The following SEMA6D variants were observed in gnomAD, a reference collection of about 807,000 sequenced individuals.
The protein encoded by SEMA6D is semaphorin 6D, also known as semaphorin-6D.
SEMA6D carries 35 observed loss-of-function variants against 106.6 expected under a neutral mutation model. The observed-to-expected ratio is 0.33, with a 90% confidence interval of 0.25 to 0.44. The LOEUF (loss-of-function observed/expected upper bound fraction) is 0.44. SEMA6D is among the 20% of genes least tolerant of loss of function. The pLI, the probability that SEMA6D is intolerant of heterozygous loss-of-function variation, is 1.00. For missense variants in SEMA6D, 1,185 were observed against 1,345.9 expected, an observed-to-expected ratio of 0.88 and a Z score of 1.87; for synonymous variants, 499 against 487.7, an observed-to-expected ratio of 1.02 and a Z score of -0.31.
In SEMA6D at chr15:47,771,127, A is replaced by G. The variant is rs1013656301; in HGVS notation, c.2564A>G (p.Asn855Ser). The G allele has an allele frequency of 6.2e-7, 1 of 1,614,118 alleles. No individual in the cohort carries two copies. Among genetic ancestry groups the G allele is most frequent in the Non-Finnish European group, 8.5e-7 (1 of 1,180,006 alleles). Residue 855 changes from asparagine (N) to serine (S), a missense_variant, in exon 19 of 19, where the codon AAC (asparagine) becomes AGC (serine). By Grantham distance (46) the Asn-to-Ser change is conservative. Coordinates refer to ENST00000536845, the MANE Select transcript of SEMA6D (RefSeq NM_001358351.3). ...NAHKAEKKLQNIDHPLTKSSS... is the reference protein window; with the variant it reads ...NAHKAEKKLQSIDHPLTKSSS... Reference sequence around the variant, plus strand: ...CACAAAGCTGAAAAGAAGCTTCAAAACATTGATCACCCTCTCACAAAGTCA... The same window carrying G: ...CACAAAGCTGAAAAGAAGCTTCAAAGCATTGATCACCCTCTCACAAAGTCA...
At chr15:47,510,629 A>T (rs918731551) in intron 3 of SEMA6D, among the ~76,000 whole-genome samples, 2 of 152,212 alleles carry the variant, frequency 1.3e-5, no homozygotes, top group Admixed American at 1.3e-4. Flanking sequence ...ATAATTACCA[A>T]ACAACATAAG....
At chr15:47,197,710 T>A (rs1451587035) in intron 1 of SEMA6D, among the ~76,000 whole-genome samples, 3 of 152,150 alleles carry the variant, frequency 2.0e-5, no homozygotes, top group Non-Finnish European at 4.4e-5. Context: ...GCCTACCAGT[T>A]TCTTTGGCTG....
In SEMA6D at chr15:47,772,812, C is replaced by G. The variant is rs1387169521; in HGVS notation, c.*1027C>G. ...TTGATTGTGTTCGTTTCCCCCCCCCCAATAGTAAAATTTCTCCTCCTTTAA... is the reference window on the plus strand; with the variant it reads ...TTGATTGTGTTCGTTTCCCCCCCCCGAATAGTAAAATTTCTCCTCCTTTAA... On this transcript the variant is annotated 3_prime_UTR_variant, in exon 19 of 19. Coordinates refer to ENST00000536845, the MANE Select transcript of SEMA6D (RefSeq NM_001358351.3). The G allele has an allele frequency of 1.7e-5, 2 of 117,724 alleles. No homozygotes were observed. Among genetic ancestry groups the G allele is most frequent in the African/African-American group, 6.3e-5 (2 of 31,828 alleles). 7.3% of individuals were successfully genotyped at this position (117,724 alleles called of 1,614,324 possible).
rs572071350 is a variant in SEMA6D at position 47,431,806 on chromosome 15, C to T, written c.-159+19334C>T. On this transcript the variant is annotated intron_variant, in intron 2 of 19. Coordinates refer to the SEMA6D transcript ENST00000558014. ...CAGATACAGTACAGTTGAAAATGCT[C>T]GTGACATCATGCCTTATGTGACTAA... is the stretch of plus-strand genomic sequence containing the variant. Among the ~76,000 whole-genome samples, 19 of 152,186 alleles carry T rather than the reference C, an allele frequency of 1.2e-4. No individual in the cohort carries two copies. In the South Asian group the frequency reaches 2.9e-3, roughly 23 times the overall value.
At chr15:47,288,379 C>T (rs1193384343) in intron 1 of SEMA6D, among the ~76,000 whole-genome samples, 1 of 152,158 alleles carries the variant, frequency 6.6e-6, no homozygotes, top group Non-Finnish European at 1.5e-5. Context: ...TGGGCAGTGA[C>T]TATAGTAGTT....
chr15:47,345,535 G>A (rs537768720), intron 1 of SEMA6D, among the ~76,000 whole-genome samples: 1 of 152,104 alleles, frequency 6.6e-6, no homozygotes, highest in East Asian at 1.9e-4. Context: ...ATACCTCATA[G>A]CATACACAAG....
intron 1 of SEMA6D, among the ~76,000 whole-genome samples, chr15:47,245,993 T>G (rs552962829): frequency 6.6e-6 from 1 of 152,178 alleles, no homozygotes; most frequent in African/African-American, 2.4e-5. Flanking sequence ...CTTTCAGGGG[T>G]CAGATGGTTT....
At chr15:47,734,217 A>G (rs1223355089) in intron 1 of SEMA6D, among the ~76,000 whole-genome samples, 1 of 152,220 alleles carries the variant, frequency 6.6e-6, no homozygotes, top group Non-Finnish European at 1.5e-5. Flanking sequence ...GAAGCATCTT[A>G]CTCACTCACT....
chr15:47,614,061 A>G (rs1056136976), intron 4 of SEMA6D, among the ~76,000 whole-genome samples: 2 of 152,194 alleles, frequency 1.3e-5, no homozygotes, highest in Non-Finnish European at 2.9e-5. Flanking sequence ...ATCCAGTTCT[A>G]ATTCATTACA....
chr15:47,332,411 T>G (rs1595750370), intron 1 of SEMA6D, among the ~76,000 whole-genome samples: 2 of 152,342 alleles, frequency 1.3e-5, no homozygotes, highest in Admixed American at 6.5e-5. Context: ...TTCCTGTCCC[T>G]GACAGCTTAT....
intron 1 of SEMA6D, among the ~76,000 whole-genome samples, chr15:47,330,235 G>A (rs552372941): frequency 1.4e-4 from 21 of 152,294 alleles, no homozygotes; most frequent in East Asian, 3.9e-4. Context: ...AGAAATGGGT[G>A]TCATCTCTGT....
intron 4 of SEMA6D, among the ~76,000 whole-genome samples, chr15:47,630,585 TTTC>T (rs2077276491): frequency 6.6e-6 from 1 of 151,818 alleles, no homozygotes; most frequent in Admixed American, 6.6e-5. Context: ...ATGCCTTTTA[TTTC>T]TTCTTCTTGC....
At chr15:47,674,068 A>G (rs1398349611) in intron 4 of SEMA6D, among the ~76,000 whole-genome samples, 1 of 152,002 alleles carries the variant, frequency 6.6e-6, no homozygotes, top group Admixed American at 6.6e-5. Flanking sequence ...ACTGCAGCCC[A>G]TGGGACAGCC....
intron 4 of SEMA6D, among the ~76,000 whole-genome samples, chr15:47,701,279 G>A (rs1237487674): frequency 6.6e-6 from 1 of 151,962 alleles, no homozygotes; most frequent in Non-Finnish European, 1.5e-5. Context: ...TAAAAAATAG[G>A]CCAAATATTT....
At chr15:47,204,604 T>G (rs7178456) in intron 1 of SEMA6D, among the ~76,000 whole-genome samples, 1 of 151,786 alleles carries the variant, frequency 6.6e-6, no homozygotes, top group Non-Finnish European at 1.5e-5. Flanking sequence ...TAATGCAATA[T>G]AGAATCAAAG....
At chr15:47,603,536 C>T (rs957582748) in intron 4 of SEMA6D, 1 of 152,114 alleles carries the variant, frequency 6.6e-6, no homozygotes, top group African/African-American at 2.4e-5. Flanking sequence ...CCAAAGCTAG[C>T]TGAGTCCAAG....
intron 1 of SEMA6D, among the ~76,000 whole-genome samples, chr15:47,348,718 C>CACACACCA (rs1379277513): frequency 2.1e-5 from 1 of 48,010 alleles, no homozygotes. Flanking sequence ...CACACACACA[C>CACACACCA]CACACACACA....
chr15:47,232,755 CTT>C (rs34787933), intron 1 of SEMA6D, among the ~76,000 whole-genome samples: 43,020 of 151,504 alleles, frequency 0.28, 6,302 homozygotes, highest in Middle Eastern at 0.44. Flanking sequence ...TGTTCAAACT[CTT>C]TGCACGTTTT....
chr15:47,760,116 T>G, intron 2 of SEMA6D, 188 bp from the exon 3 acceptor site: 1 of 596,466 alleles, frequency 1.7e-6, no homozygotes, highest in East Asian at 2.8e-5. Flanking sequence ...TGTATATAGG[T>G]TATATATTTT....
Sources: gnomAD v4.1 joint callset for allele counts (sites outside exome capture counted in the v4.1 genomes callset) on GRCh38, gnomAD v4.1.1 for gene constraint, MANE v1.5 for transcripts, NCBI Gene and HGNC (gene_info 2026-07-23, HGNC 2026-07-21) for gene names.